Variants in GLT1D1 observed in about 807,000 individuals in gnomAD.
The protein encoded by GLT1D1 is glycosyltransferase 1 domain containing 1.
In GLT1D1, 21 loss-of-function variants were observed where a neutral mutation model predicts 28.7. The observed-to-expected ratio is 0.73, with a 90% CI of 0.52 to 1.05. The LOEUF is 1.05. Among genes scored for constraint, GLT1D1 ranks in the 50% least tolerant of loss-of-function variants. The pLI, the probability that GLT1D1 is intolerant of heterozygous loss-of-function variation, is 0.00. For missense variants in GLT1D1, 343 were observed against 330.6 expected, an observed-to-expected ratio of 1.04 and a Z score of -0.29; for synonymous variants, 147 against 124.8, an observed-to-expected ratio of 1.18 and a Z score of -1.19.
At chr12:128,953,345 A>G (rs1453992662) in intron 6 of GLT1D1, among the ~76,000 whole-genome samples, 1 of 151,320 alleles carries the variant, frequency 6.6e-6, no homozygotes, top group Non-Finnish European at 1.5e-5. Flanking sequence ...TATTTTTATT[A>G]TTTTATTTTT....
chr12:128,911,135 G>A (rs574163933), intron 4 of GLT1D1, among the ~76,000 whole-genome samples: 1 of 152,296 alleles, frequency 6.6e-6, no homozygotes, highest in African/African-American at 2.4e-5. Flanking sequence ...TCACCATGTT[G>A]CCCAGACTGG....
In GLT1D1 at chr12:128,960,578, A is replaced by C. The variant is rs1335184932; in HGVS notation, c.639+2935A>C. Reference sequence around the variant, plus strand: ...TTCGAGACAAGCCTGGCAAACATGCAAAACCCTGTCTCTACTAAAAATATG... The same window carrying C: ...TTCGAGACAAGCCTGGCAAACATGCCAAACCCTGTCTCTACTAAAAATATG... On this transcript the variant is annotated intron_variant, in intron 7 of 7. Coordinates refer to ENST00000281703, the MANE Select transcript of GLT1D1 (RefSeq NM_144669.3). Among the ~76,000 whole-genome samples, 32 of 152,202 alleles carry C rather than the reference A, an allele frequency of 2.1e-4. 1 individual carries two copies. Among genetic ancestry groups the C allele is most frequent in the East Asian group, 5.8e-4 (3 of 5,164 alleles).
chr12:128,862,328 C>CAAA (rs34391238), intron 1 of GLT1D1, among the ~76,000 whole-genome samples: 9 of 88,008 alleles, frequency 1.0e-4, no homozygotes, highest in East Asian at 7.0e-4. Flanking sequence ...GACTCTGTCT[C>CAAA]AAAAAAAAAA....
chr12:128,877,532 T>C (rs567956544), intron 2 of GLT1D1, among the ~76,000 whole-genome samples: 13 of 152,316 alleles, frequency 8.5e-5, no homozygotes, highest in African/African-American at 2.9e-4. Flanking sequence ...TCTTACTATG[T>C]GTTCTTTTTT....
intron 7 of GLT1D1, among the ~76,000 whole-genome samples, chr12:128,967,721 G>A (rs1010736172): frequency 2.0e-5 from 3 of 152,218 alleles, no homozygotes; most frequent in African/African-American, 7.2e-5. Flanking sequence ...TTCTACTTAC[G>A]GATTTGGGGA....
chr12:128,895,488 G>A (rs868532955), intron 3 of GLT1D1, among the ~76,000 whole-genome samples: 1 of 146,546 alleles, frequency 6.8e-6, no homozygotes, highest in Non-Finnish European at 1.5e-5. Flanking sequence ...GCAGAGTCTC[G>A]CTCTGTCACC....
Position 128,875,996 on chromosome 12 carries a change from A to T in GLT1D1, c.151A>T (p.Ile51Phe), listed in dbSNP as rs768249750. 6.2e-7 allele frequency: 1 copy of T among 1,614,040 alleles called. No homozygotes were observed. Among genetic ancestry groups the T allele is most frequent in the South Asian group, 1.1e-5 (1 of 91,080 alleles). ...AAGCCGATCTGAGATTGCAAACCTCATCTTGGCTGAGAACTGCGAGGCTGC... is the reference window on the plus strand; with the variant it reads ...AAGCCGATCTGAGATTGCAAACCTCTTCTTGGCTGAGAACTGCGAGGCTGC... The change falls in exon 2 of 8, where the codon ATC becomes TTC. Residue 51 changes from isoleucine to phenylalanine, a missense_variant. Transcript: ENST00000281703.
intron 7 of GLT1D1, among the ~76,000 whole-genome samples, chr12:128,963,863 C>T (rs555218772): frequency 1.3e-5 from 2 of 152,290 alleles, no homozygotes; most frequent in African/African-American, 2.4e-5. Context: ...TGGCAGAGCA[C>T]GGCAGCAGGT....
intron 7 of GLT1D1, among the ~76,000 whole-genome samples, chr12:128,972,065 G>T (rs770520190): frequency 8.6e-5 from 13 of 152,042 alleles, no homozygotes; most frequent in Middle Eastern, 3.4e-3. Context: ...ATGTCTGAAT[G>T]AGCAAGCTGT....
intron 4 of GLT1D1, among the ~76,000 whole-genome samples, chr12:128,904,774 C>T (rs1016396554): frequency 1.3e-5 from 2 of 151,586 alleles, no homozygotes; most frequent in African/African-American, 4.9e-5. Flanking sequence ...GCTGGGATTA[C>T]AGATGCCCAC....
intron 2 of GLT1D1, among the ~76,000 whole-genome samples, chr12:128,885,019 T>C (rs893156537): frequency 4.6e-5 from 7 of 151,378 alleles, no homozygotes; most frequent in African/African-American, 1.5e-4. Context: ...CCTCCCAAAG[T>C]GCTGAGATGA....
At chr12:128,892,346 C>T (rs1296092986) in intron 3 of GLT1D1, among the ~76,000 whole-genome samples, 1 of 152,084 alleles carries the variant, frequency 6.6e-6, no homozygotes, top group African/African-American at 2.4e-5. Context: ...CATTAAAACA[C>T]GTTGGGGTTA....
chr12:128,939,658 G>A (rs556604226), intron 4 of GLT1D1, among the ~76,000 whole-genome samples: 14 of 152,256 alleles, frequency 9.2e-5, no homozygotes, highest in African/African-American at 3.4e-4. Context: ...AGCACAGCCA[G>A]GGAATGCCTC....
intron 1 of GLT1D1, among the ~76,000 whole-genome samples, chr12:128,860,772 C>T (rs1441520172): frequency 6.6e-6 from 1 of 152,076 alleles, no homozygotes; most frequent in African/African-American, 2.4e-5. Flanking sequence ...GAGTTCCTCT[C>T]ATTGTAGGGC....
chr12:128,908,400 CTCTCTT>C (rs1258470025), intron 4 of GLT1D1, among the ~76,000 whole-genome samples: 260 of 138,710 alleles, frequency 1.9e-3, no homozygotes, highest in Admixed American at 3.9e-3. Flanking sequence ...TTCTCTCTCT[CTCTCTT>C]TCTTTCTTTC....
Position 128,853,721 on chromosome 12 carries a change from C to A in GLT1D1, c.68+72C>A, listed in dbSNP as rs1047512296. 1.7e-5 allele frequency: 16 copies of A among 952,172 alleles called. No individual in the cohort carries two copies. In the Admixed American group the frequency reaches 6.7e-4, roughly 40 times the overall value. The allele number at this position is 952,172 out of a possible 1,614,324, so 59.0% of individuals were successfully genotyped here. Reference sequence around the variant, plus strand: ...GGGGCGGGGACGCGGGACCCGGGGACGCGGGGCGCTCAGCCAGGCCCCCTC... The same window carrying A: ...GGGGCGGGGACGCGGGACCCGGGGAAGCGGGGCGCTCAGCCAGGCCCCCTC... On this transcript the variant is annotated intron_variant, in intron 1 of 7. Transcript: ENST00000281703.
intron 7 of GLT1D1, among the ~76,000 whole-genome samples, chr12:128,958,720 G>A (rs1460566033): frequency 1.8e-5 from 2 of 110,268 alleles, no homozygotes; most frequent in African/African-American, 3.6e-5. Context: ...ACTGCACTGT[G>A]TATAGGCAAC....
intron 1 of GLT1D1, among the ~76,000 whole-genome samples, 155 bp from the exon 2 acceptor site, chr12:128,875,759 C>T (rs1956853736): frequency 6.6e-6 from 1 of 151,652 alleles, no homozygotes; most frequent in Non-Finnish European, 1.5e-5. Context: ...GAGACTGCAC[C>T]ATTGCTCCCC....
chr12:128,927,205 A>G, intron 4 of GLT1D1, 51 bp downstream of exon 8: 1 of 1,301,474 alleles, frequency 7.7e-7, no homozygotes, highest in African/African-American at 1.5e-5. Context: ...TCCTCTATAT[A>G]CTTTTTATGT....
Sources: gnomAD v4.1 joint callset for allele counts (sites outside exome capture counted in the v4.1 genomes callset) on GRCh38, gnomAD v4.1.1 for gene constraint, MANE v1.5 for transcripts, NCBI Gene and HGNC (gene_info 2026-07-23, HGNC 2026-07-21) for gene names.